The following COBLL1 variants were observed in gnomAD, a reference collection of about 807,000 sequenced individuals.
COBLL1 encodes cordon-bleu WH2 repeat protein like 1.
A neutral mutation model predicts 94.8 loss-of-function variants in COBLL1; 50 were observed. That is an observed-to-expected ratio of 0.53 (90% CI 0.42 to 0.67). The LOEUF is 0.67. Among genes scored for constraint, COBLL1 ranks in the 30% least tolerant of loss-of-function variants. The pLI, the probability that COBLL1 is intolerant of heterozygous loss-of-function variation, is 0.00. For missense variants in COBLL1, 1,362 were observed against 1,348.7 expected (o/e 1.01, Z -0.15); for synonymous variants, 448 against 473.8 (o/e 0.95, Z 0.71).
chr2:164,694,487 T>G lies in COBLL1; in HGVS notation c.2905A>C (p.Lys969Gln). The G allele has an allele frequency of 6.2e-7, 1 of 1,613,946 alleles. No homozygotes were observed. Among genetic ancestry groups the G allele is most frequent in the Admixed American group, 1.7e-5 (1 of 59,980 alleles). ...GGGGCACCAAAAGTTTTCAAAGTCTTCAGATTTTGTGTGGATACCTGACTA... is the reference window on the plus strand; with the variant it reads ...GGGGCACCAAAAGTTTTCAAAGTCTGCAGATTTTGTGTGGATACCTGACTA... Reference protein sequence around the residue: ...PASQVSTQNLKTLKTFGAPRP... With the variant: ...PASQVSTQNLQTLKTFGAPRP... The change falls in exon 12 of 14, where the codon AAG becomes CAG. Residue 969 changes from lysine (K) to glutamine (Q), a missense_variant. Lys to Gln is a moderately conservative substitution (Grantham distance 53, BLOSUM62 1). Transcript: ENST00000652658.
intron 2 of COBLL1, among the ~76,000 whole-genome samples, chr2:164,792,531 C>T (rs1453836900): frequency 6.6e-6 from 1 of 152,090 alleles, no homozygotes; most frequent in East Asian, 1.9e-4. Context: ...GTTCAAAAGA[C>T]GTAGGACCAA....
chr2:164,787,083 A>T (rs1688995572), intron 2 of COBLL1, among the ~76,000 whole-genome samples: 1 of 152,106 alleles, frequency 6.6e-6, no homozygotes, highest in African/African-American at 2.4e-5. Flanking sequence ...CATGTTAATC[A>T]CTTAACTTCG....
intron 2 of COBLL1, among the ~76,000 whole-genome samples, chr2:164,756,707 G>A (rs993442297): frequency 3.9e-5 from 6 of 152,044 alleles, no homozygotes; most frequent in South Asian, 2.1e-4. Context: ...TACATACAGT[G>A]TAATCTTCCA....
chr2:164,753,885 G>A (rs772290404), intron 2 of COBLL1, among the ~76,000 whole-genome samples: 1 of 151,798 alleles, frequency 6.6e-6, no homozygotes, highest in Non-Finnish European at 1.5e-5. Flanking sequence ...GGAAGTATAG[G>A]CATTCATTAC....
At chr2:164,725,378 T>C (rs901645100) in intron 5 of COBLL1, among the ~76,000 whole-genome samples, 2 of 152,094 alleles carry the variant, frequency 1.3e-5, no homozygotes, top group Non-Finnish European at 2.9e-5. Context: ...GAAAAATTCA[T>C]ATGGTTGTGC....
intron 7 of COBLL1, among the ~76,000 whole-genome samples, chr2:164,707,218 G>A (rs973014589): frequency 6.6e-6 from 1 of 151,918 alleles, no homozygotes; most frequent in African/African-American, 2.4e-5. Flanking sequence ...TTGGCTCACT[G>A]CAGCCTCCAC....
downstream of COBLL1, among the ~76,000 whole-genome samples, chr2:164,679,845 T>A (rs1682961578): frequency 6.6e-6 from 1 of 151,792 alleles, no homozygotes; most frequent in Non-Finnish European, 1.5e-5. Flanking sequence ...AGACGATGGG[T>A]TGATGGGTGC....
At position 164,681,395 on chromosome 2, in the gene COBLL1, A is replaced by C. The variant is rs551716546; in HGVS notation, c.*4551T>G. The C allele has an allele frequency of 1.3e-5, 2 of 152,148 alleles. No individual in the cohort carries two copies. The highest frequency in any genetic ancestry group is 2.9e-5 in the Non-Finnish European group (2 of 68,056). The allele number at this position is 152,148 out of a possible 1,614,324, so 9.4% of individuals were successfully genotyped here. A position where few individuals can be genotyped will look rare whatever the true frequency, so the allele number is the denominator to read the frequency against. ...TCAAATACAGTGAAAGCAAGCAGAAACACATGAACCTTTGAGGGCTGGTCT... is the reference window on the plus strand; with the variant it reads ...TCAAATACAGTGAAAGCAAGCAGAACCACATGAACCTTTGAGGGCTGGTCT... On this transcript the variant is annotated 3_prime_UTR_variant, in exon 14 of 14. Transcript: ENST00000652658.
At chr2:164,831,640 T>C (rs1252696400) in intron 2 of COBLL1, among the ~76,000 whole-genome samples, 1 of 152,016 alleles carries the variant, frequency 6.6e-6, no homozygotes, top group Non-Finnish European at 1.5e-5. Flanking sequence ...TCCCACAGTG[T>C]AGCAGGACAG....
chr2:164,807,842 GAC>G (rs773304252), intron 2 of COBLL1, among the ~76,000 whole-genome samples: 9 of 151,868 alleles, frequency 5.9e-5, no homozygotes, highest in Admixed American at 2.0e-4. Flanking sequence ...TTCATTTTGT[GAC>G]AGAGTCTCGT....
chr2:164,841,860 C>T (rs1243684762), upstream of COBLL1: 4 of 862,808 alleles, frequency 4.6e-6, no homozygotes, highest in Non-Finnish European at 7.0e-6. This position sits in a 1 kb window ranked among gnomAD's most constrained non-coding sequence, Gnocchi z 5.5. Flanking sequence ...CAGCCCAGCG[C>T]GGGCAGGGCC....
chr2:164,711,509 G>C (rs1386493327), intron 7 of COBLL1, among the ~76,000 whole-genome samples: 2 of 152,064 alleles, frequency 1.3e-5, no homozygotes, highest in Non-Finnish European at 2.9e-5. Context: ...CATTCATTGT[G>C]GGTCTAAAAA....
At chr2:164,660,522 C>T (rs1319535010) in intron 2 of COBLL1, among the ~76,000 whole-genome samples, 1 of 152,120 alleles carries the variant, frequency 6.6e-6, no homozygotes, top group Non-Finnish European at 1.5e-5. Flanking sequence ...AGGAGACTCA[C>T]AAAGTTCCAT....
chr2:164,782,817 C>A (rs1688778977), intron 2 of COBLL1, among the ~76,000 whole-genome samples: 1 of 152,110 alleles, frequency 6.6e-6, no homozygotes, highest in Non-Finnish European at 1.5e-5. Context: ...AAATATATCA[C>A]ATTAAATGTT....
chr2:164,702,980 G>A, intron 9 of COBLL1: 1 of 636,368 alleles, frequency 1.6e-6, no homozygotes, highest in Non-Finnish European at 2.8e-6. Flanking sequence ...GTGAAAAAGG[G>A]GAAACTTCTC....
chr2:164,728,925 C>A (rs139272486), intron 4 of COBLL1, among the ~76,000 whole-genome samples: 1 of 151,850 alleles, frequency 6.6e-6, no homozygotes, highest in Non-Finnish European at 1.5e-5. Context: ...CAACATGAGA[C>A]CATACTAAGT....
intron 2 of COBLL1, among the ~76,000 whole-genome samples, chr2:164,838,395 A>G (rs1167070595): frequency 6.6e-6 from 1 of 152,262 alleles, no homozygotes; most frequent in Non-Finnish European, 1.5e-5. Flanking sequence ...GGGCTAATTT[A>G]TCATAGAATT....
At chr2:164,801,956 C>T (rs958785849) in intron 2 of COBLL1, among the ~76,000 whole-genome samples, 2 of 152,156 alleles carry the variant, frequency 1.3e-5, no homozygotes, top group South Asian at 4.1e-4. Flanking sequence ...ATTGCTTAAG[C>T]ATTCAAAAGG....
intron 13 of COBLL1, among the ~76,000 whole-genome samples, chr2:164,690,409 T>G (rs1207928078): frequency 6.6e-6 from 1 of 152,206 alleles, no homozygotes; most frequent in African/African-American, 2.4e-5. Context: ...GAAACAATTA[T>G]AGGATAATCA....
Sources: allele counts gnomAD v4.1 joint callset (sites outside exome capture counted in the v4.1 genomes callset), GRCh38; gene constraint gnomAD v4.1.1; non-coding constraint Gnocchi (gnomAD v3.1); transcripts MANE v1.5; gene names NCBI Gene and HGNC (gene_info 2026-07-23, HGNC 2026-07-21).